C2CD3: variants seen among roughly 807,000 people sequenced by gnomAD.
C2CD3 encodes C2 domain containing 3 centriole elongation regulator.
A neutral mutation model predicts 234.0 loss-of-function variants in C2CD3; 148 were observed. That is an observed-to-expected ratio of 0.63 (90% CI 0.55 to 0.72). The LOEUF (loss-of-function observed/expected upper bound fraction) is 0.72. Ranked by LOEUF, C2CD3 falls within the 30% of genes least tolerant of loss-of-function variation. The pLI is 0.00. For missense variants in C2CD3, 2,577 were observed against 2,811.5 expected, an observed-to-expected ratio of 0.92 and a Z score of 1.89; for synonymous variants, 1,000 against 1,035.4, an observed-to-expected ratio of 0.97 and a Z score of 0.66.
chr11:74,069,569 C>T (rs533947303), intron 24 of C2CD3, among the ~76,000 whole-genome samples: 19 of 152,282 alleles, frequency 1.2e-4, no homozygotes, highest in African/African-American at 4.1e-4. Context: ...CTCTGAAAAT[C>T]GCATAAGATA....
rs1857045647 is a variant in C2CD3 at position 74,169,851 on chromosome 11, T to A, written c.55+887A>T. Among the ~76,000 whole-genome samples, 5 of 152,132 alleles carry A rather than the reference T, an allele frequency of 3.3e-5. No homozygotes were observed. In the South Asian group the frequency reaches 1.0e-3, roughly 32 times the overall value. On this transcript the variant is annotated intron_variant, in intron 1 of 32. Coordinates refer to ENST00000334126, the MANE Select transcript of C2CD3 (RefSeq NM_001286577.2). The stretch of plus-strand genomic sequence containing the variant: ...AATCTTTAAACAGCTTGGATAAGAG[T>A]AATTCCCAGATTGTAGCTTCAGTCC...
chr11:74,136,781 C>T (rs1957877538), intron 5 of C2CD3, among the ~76,000 whole-genome samples: 1 of 151,886 alleles, frequency 6.6e-6, no homozygotes, highest in South Asian at 2.1e-4. Context: ...AGGGGAACAT[C>T]ACAGACCGGG....
intron 12 of C2CD3, among the ~76,000 whole-genome samples, chr11:74,107,521 G>C (rs896876141): frequency 9.2e-5 from 14 of 152,044 alleles, no homozygotes; most frequent in Non-Finnish European, 1.6e-4. Context: ...TTTACTAAAA[G>C]TTTCTAATAA....
intron 3 of C2CD3, among the ~76,000 whole-genome samples, chr11:74,141,071 C>G (rs1334838023): frequency 6.6e-6 from 1 of 152,114 alleles, no homozygotes; most frequent in Non-Finnish European, 1.5e-5. Context: ...ACAAAGAAAG[C>G]AGAAGGAATT....
At chr11:74,062,468 A>G (rs559939850) in intron 24 of C2CD3, among the ~76,000 whole-genome samples, 2 of 152,340 alleles carry the variant, frequency 1.3e-5, no homozygotes, top group African/African-American at 4.8e-5. Context: ...GGATTAAGAA[A>G]TTCACTCAAA....
rs1956072198 is a variant in C2CD3, at chr11:74,095,464, T to C, written c.2980-56A>G. On this transcript the variant is annotated intron_variant, in intron 16 of 32. Transcript: ENST00000334126. ...TTTAAAGAGTAACTTGCTTAGAATA[T>C]TTCTGCTTCTCTATGAAGTCTGAGT... 4.3e-6 allele frequency: 6 copies of C among 1,380,006 alleles called. No individual in the cohort carries two copies. The Admixed American group carries it at 5.7e-5, about 13-fold the overall frequency. 85.5% of individuals were successfully genotyped at this position (1,380,006 alleles called of 1,614,324 possible).
intron 3 of C2CD3, among the ~76,000 whole-genome samples, chr11:74,156,185 A>C (rs1342640954): frequency 1.3e-5 from 2 of 151,976 alleles, no homozygotes; most frequent in African/African-American, 4.8e-5. Context: ...GAGGCAGGGG[A>C]ATCACTTGAA....
chr11:74,013,676 C>G (rs1463525983), intron 32 of C2CD3, among the ~76,000 whole-genome samples, 151 bp from the exon 33 acceptor site: 7 of 152,160 alleles, frequency 4.6e-5, no homozygotes, highest in African/African-American at 1.4e-4. Context: ...CTTGCTTGAC[C>G]CTTACCTCAA....
At chr11:74,113,093 A>G (rs533957819) in intron 11 of C2CD3, 8 of 152,414 alleles carry the variant, frequency 5.2e-5, no homozygotes, top group Admixed American at 5.2e-4. Context: ...TGGTATATCT[A>G]TGCAATGGAG....
chr11:74,150,156 A>T (rs1237866823), intron 3 of C2CD3, among the ~76,000 whole-genome samples: 1 of 88,646 alleles, frequency 1.1e-5, no homozygotes, highest in East Asian at 2.9e-4. Context: ...TTCCTTTTGT[A>T]AAAAAAAAAA....
chr11:74,028,442 C>T (rs1229255783), intron 31 of C2CD3, 44 bp from the exon 32 acceptor site: 1 of 1,276,944 alleles, frequency 7.8e-7, no homozygotes, highest in Non-Finnish European at 1.1e-6. Flanking sequence ...AAGTCCACCC[C>T]TCTTGCAGTG....
chr11:74,061,186 A>G (rs940380958), intron 24 of C2CD3, among the ~76,000 whole-genome samples: 1 of 152,254 alleles, frequency 6.6e-6, no homozygotes, highest in Non-Finnish European at 1.5e-5. Flanking sequence ...AATGGAACCA[A>G]GTTGGAAAAC....
chr11:74,084,940 T>C lies in C2CD3; in HGVS notation c.3941A>G (p.Lys1314Arg). The C allele has an allele frequency of 6.2e-7, 1 of 1,612,254 alleles. No homozygotes were observed. The change falls in exon 22 of 33, where the codon AAA becomes AGA. Residue 1314 changes from lysine (K) to arginine (R), a missense_variant. Coordinates refer to ENST00000334126, the MANE Select transcript of C2CD3 (RefSeq NM_001286577.2). ...ASDIISIESC[K>R]EYLLGVVKVP... ...TTTTACTACTCCAAGCAGATACTCT[T>C]TGCATGACTCAATACTGATTATATC... is the stretch of plus-strand genomic sequence containing the variant.
At chr11:74,146,748 AAT>A (rs1419349385) in intron 3 of C2CD3, among the ~76,000 whole-genome samples, 1 of 77,346 alleles carries the variant, frequency 1.3e-5, no homozygotes, top group East Asian at 2.6e-4. Flanking sequence ...ACACACACAC[AAT>A]TAACATATGA....
At chr11:74,109,907 C>T (rs1352764056) in intron 11 of C2CD3, among the ~76,000 whole-genome samples, 1 of 148,916 alleles carries the variant, frequency 6.7e-6, no homozygotes, top group East Asian at 1.9e-4. Context: ...CCCGTCTCTA[C>T]TAAAAATACA....
At chr11:74,051,590 C>A (rs73557968) in intron 26 of C2CD3, among the ~76,000 whole-genome samples, 2,669 of 152,262 alleles carry the variant, frequency 0.018, 78 homozygotes, top group African/African-American at 0.061. Flanking sequence ...ACAAGAACTT[C>A]CCTCAACTCT....
chr11:74,139,091 CT>C, intron 4 of C2CD3, 124 bp from the exon 5 acceptor site: 1 of 697,872 alleles, frequency 1.4e-6, no homozygotes, highest in East Asian at 2.7e-5. Context: ...AAAAGCGTGA[CT>C]TATTTGCAAT....
chr11:74,076,579 A>C (rs1019287261), intron 23 of C2CD3, among the ~76,000 whole-genome samples: 12 of 152,148 alleles, frequency 7.9e-5, no homozygotes, highest in African/African-American at 2.9e-4. Context: ...AAAAGTCCAA[A>C]CTTCAGCTGA....
At chr11:74,075,420 C>T (rs1295614686) in intron 23 of C2CD3, among the ~76,000 whole-genome samples, 2 of 151,860 alleles carry the variant, frequency 1.3e-5, no homozygotes, top group Admixed American at 6.6e-5. Flanking sequence ...ATAAATACAA[C>T]GGAGTTAATA....
Sources: gnomAD v4.1 joint callset for allele counts (sites outside exome capture counted in the v4.1 genomes callset) on GRCh38, gnomAD v4.1.1 for gene constraint, MANE v1.5 for transcripts, NCBI Gene and HGNC (gene_info 2026-07-23, HGNC 2026-07-21) for gene names.